Variants in THSD4 observed in about 807,000 individuals in gnomAD.
THSD4 encodes thrombospondin type 1 domain containing 4.
In THSD4, 69 loss-of-function variants were observed where a neutral mutation model predicts 119.0. The observed-to-expected ratio is 0.58, with a 90% CI of 0.48 to 0.71. The LOEUF (loss-of-function observed/expected upper bound fraction) is 0.71. Among genes scored for constraint, THSD4 ranks in the 30% least tolerant of loss-of-function variants. The pLI, the probability that THSD4 is intolerant of heterozygous loss-of-function variation, is 0.00. For missense variants in THSD4, 1,393 were observed against 1,391.1 expected (o/e 1.00, Z -0.02); for synonymous variants, 524 against 540.4 (o/e 0.97, Z 0.42).
At chr15:71,217,506 C>A (rs2043943452) in intron 4 of THSD4, among the ~76,000 whole-genome samples, 1 of 151,796 alleles carries the variant, frequency 6.6e-6, no homozygotes, top group Admixed American at 6.6e-5. Flanking sequence ...GCCTGTATTC[C>A]CAGCTACTCG....
intron 7 of THSD4, among the ~76,000 whole-genome samples, chr15:71,439,838 G>T (rs1001359858): frequency 6.6e-6 from 1 of 152,090 alleles, no homozygotes; most frequent in Non-Finnish European, 1.5e-5. Context: ...ACAGGAAGGG[G>T]AACATCACAT....
At chr15:71,165,714 G>C (rs1472293187) in intron 3 of THSD4, among the ~76,000 whole-genome samples, 1 of 152,152 alleles carries the variant, frequency 6.6e-6, no homozygotes, top group Non-Finnish European at 1.5e-5. Context: ...TAGGCTGCAG[G>C]AATTTGTGAT....
intron 10 of THSD4, among the ~76,000 whole-genome samples, chr15:71,735,588 C>G (rs985468468): frequency 6.6e-6 from 1 of 151,898 alleles, no homozygotes; most frequent in East Asian, 1.9e-4. Context: ...CTGTTTCTCT[C>G]TCTCTCTCTT....
At chr15:71,472,632 T>C in intron 7 of THSD4, among the ~76,000 whole-genome samples, 1 of 152,206 alleles carries the variant, frequency 6.6e-6, no homozygotes, top group East Asian at 1.9e-4. Context: ...CTGAGGAATT[T>C]TTCTTCATTC....
chr15:71,431,630 A>C (rs2046943956), intron 7 of THSD4, among the ~76,000 whole-genome samples: 1 of 152,188 alleles, frequency 6.6e-6, no homozygotes. Flanking sequence ...AGATAAATCC[A>C]GTTTGTTGGT....
chr15:71,481,573 A>G (rs764554496), intron 7 of THSD4, among the ~76,000 whole-genome samples: 1 of 151,972 alleles, frequency 6.6e-6, no homozygotes, highest in Non-Finnish European at 1.5e-5. Flanking sequence ...TTCTTTCTCA[A>G]CTCTCATTTT....
At chr15:71,331,124 A>G (rs956788506) in intron 6 of THSD4, among the ~76,000 whole-genome samples, 5 of 152,142 alleles carry the variant, frequency 3.3e-5, no homozygotes, top group African/African-American at 1.2e-4. Flanking sequence ...CCATTTGGAC[A>G]GTGTTGATTA....
At chr15:71,222,371 G>A (rs1596276916) in intron 4 of THSD4, among the ~76,000 whole-genome samples, 1 of 152,128 alleles carries the variant, frequency 6.6e-6, no homozygotes, top group Admixed American at 6.5e-5. Context: ...CCTTACATTT[G>A]CCTACATTAG....
At chr15:71,276,828 A>AG (rs1274553504) in intron 6 of THSD4, among the ~76,000 whole-genome samples, 4 of 152,234 alleles carry the variant, frequency 2.6e-5, no homozygotes, top group Non-Finnish European at 5.9e-5. Flanking sequence ...TAAGTAAAAA[A>AG]CAATATGTAG....
intron 1 of THSD4, among the ~76,000 whole-genome samples, chr15:71,138,911 G>A (rs1222742099): frequency 6.6e-6 from 1 of 151,360 alleles, no homozygotes; most frequent in Non-Finnish European, 1.5e-5. Flanking sequence ...CAGCACTCAG[G>A]CCATACAGTC....
At chr15:71,208,000 G>A (rs2043859333) in intron 3 of THSD4, among the ~76,000 whole-genome samples, 1 of 152,204 alleles carries the variant, frequency 6.6e-6, no homozygotes, top group African/African-American at 2.4e-5. Context: ...ACATCAGAGA[G>A]CAATTGCACA....
intron 16 of THSD4, among the ~76,000 whole-genome samples, chr15:71,770,346 TAAAAAAAAA>T (rs71131707): frequency 5.6e-4 from 71 of 127,472 alleles, no homozygotes; most frequent in African/African-American, 2.0e-3. Context: ...ATATGTCCTT[TAAAAAAAAA>T]AAAAAAAAAA....
chr15:71,459,239 A>G (rs972903470), intron 7 of THSD4, among the ~76,000 whole-genome samples: 7 of 147,162 alleles, frequency 4.8e-5, no homozygotes, highest in Non-Finnish European at 1.0e-4. Context: ...GCTCACTGCA[A>G]CCTCCACCTC....
intron 7 of THSD4, among the ~76,000 whole-genome samples, chr15:71,580,122 T>C (rs2049530664): frequency 6.6e-6 from 1 of 152,126 alleles, no homozygotes; most frequent in South Asian, 2.1e-4. Context: ...CAGTAAGAAG[T>C]ATAGATGTCA....
chr15:71,490,223 G>C (rs570165766), intron 7 of THSD4, among the ~76,000 whole-genome samples: 2 of 151,740 alleles, frequency 1.3e-5, no homozygotes, highest in Admixed American at 6.6e-5. Flanking sequence ...TCAGGAGTTC[G>C]AGACCAGTCT....
At chr15:71,162,370 A>G (rs892559856) in intron 3 of THSD4, among the ~76,000 whole-genome samples, 1 of 151,886 alleles carries the variant, frequency 6.6e-6, no homozygotes, top group Non-Finnish European at 1.5e-5. Flanking sequence ...TTTCCTCTTC[A>G]TTTCTGAAAA....
rs539786762 is a variant in THSD4, at chr15:71,745,897, A to G, written c.2036+662A>G. Among the ~76,000 whole-genome samples the G allele has an allele frequency of 6.6e-5, 10 of 152,312 alleles. No individual in the cohort carries two copies. In the South Asian group the frequency reaches 1.7e-3, roughly 25 times the overall value. ...TGAGCACTAATGGTCTGCCCACCTCAGCCTCCCAAAGTGCTGGGATTACGG... is the reference window on the plus strand; with the variant it reads ...TGAGCACTAATGGTCTGCCCACCTCGGCCTCCCAAAGTGCTGGGATTACGG... On this transcript the variant is annotated intron_variant, in intron 12 of 17. Transcript: ENST00000261862.
At chr15:71,642,821 G>C (rs1363697471) in intron 7 of THSD4, among the ~76,000 whole-genome samples, 1 of 151,476 alleles carries the variant, frequency 6.6e-6, no homozygotes. Context: ...GAGTGGGGAG[G>C]GATAGCATTA....
At chr15:71,750,127 G>A (rs1394794854) in intron 14 of THSD4, among the ~76,000 whole-genome samples, 1 of 152,154 alleles carries the variant, frequency 6.6e-6, no homozygotes, top group African/African-American at 2.4e-5. Context: ...GAGGAGCCCA[G>A]CCATGTTCTT....
Sources: allele counts gnomAD v4.1 joint callset (sites outside exome capture counted in the v4.1 genomes callset), GRCh38; gene constraint gnomAD v4.1.1; transcripts MANE v1.5; gene names NCBI Gene and HGNC (gene_info 2026-07-23, HGNC 2026-07-21).